SNRK: variants seen among roughly 807,000 people sequenced by gnomAD.
The protein encoded by SNRK is SNF-related serine/threonine-protein kinase.
SNRK carries 3 observed loss-of-function variants against 48.2 expected under a neutral mutation model. The observed-to-expected ratio is 0.06, with a 90% CI of 0.03 to 0.16. The LOEUF is 0.16. SNRK is among the 10% of genes least tolerant of loss of function. The pLI is 1.00. For synonymous variants in SNRK, 376 were observed against 366.1 expected, an observed-to-expected ratio of 1.03 and a Z score of -0.31; for missense variants, 627 against 976.0, an observed-to-expected ratio of 0.64 and a Z score of 4.76.
At chr3:43,345,316 TGTG>T (rs1051228479) in intron 6 of SNRK, among the ~76,000 whole-genome samples, 4 of 152,108 alleles carry the variant, frequency 2.6e-5, no homozygotes, top group African/African-American at 9.7e-5. Flanking sequence ...GGGTATGCCT[TGTG>T]GTCAGAATGA....
At chr3:43,299,013 G>T (rs1307959307) in intron 1 of SNRK, among the ~76,000 whole-genome samples, 1 of 152,104 alleles carries the variant, frequency 6.6e-6, no homozygotes, top group Non-Finnish European at 1.5e-5. Flanking sequence ...AGACTGGGTG[G>T]TTTTGGTGCC....
chr3:43,311,618 G>C (rs1323241229), intron 3 of SNRK, among the ~76,000 whole-genome samples: 1 of 152,156 alleles, frequency 6.6e-6, no homozygotes, highest in Non-Finnish European at 1.5e-5. Context: ...CAGTGCAGTG[G>C]TGTACACCTG....
chr3:43,298,589 A>G (rs1368003905), intron 1 of SNRK, among the ~76,000 whole-genome samples: 1 of 152,194 alleles, frequency 6.6e-6, no homozygotes, highest in Non-Finnish European at 1.5e-5. Context: ...TGTTTCCTCC[A>G]TTCCCTTGCA....
At chr3:43,340,567 AAC>A (rs2091227497) in intron 5 of SNRK, 68 bp downstream of exon 5, 3 of 1,378,802 alleles carry the variant, frequency 2.2e-6, no homozygotes, top group Admixed American at 3.7e-5. Context: ...CTCTCTACTT[AAC>A]ACAGCCTTTG....
At chr3:43,309,290 T>C (rs2090960794) in intron 3 of SNRK, among the ~76,000 whole-genome samples, 1 of 152,206 alleles carries the variant, frequency 6.6e-6, no homozygotes, top group Admixed American at 6.5e-5. Context: ...TAGACTATTA[T>C]GTAAACTTAC....
In SNRK at chr3:43,332,277, C is replaced by T; in HGVS notation, c.698C>T (p.Thr233Ile). The change falls in exon 4 of 7, where the codon ACA becomes ATA. Residue 233 changes from threonine (T) to isoleucine (I), a missense_variant. Around this residue, in one of 4 missense-constraint regions of SNRK, gnomAD observed 147 missense variants for 356.8 expected, o/e 0.41. Coordinates refer to ENST00000296088, the MANE Select transcript of SNRK (RefSeq NM_017719.5). ...ACAATGATCATGGATTGCAAATATA[C>T]AGTACCATCCCATGTGTCTAAAGAG... Reference protein sequence around the residue: ...TLTMIMDCKYTVPSHVSKECK... With the variant: ...TLTMIMDCKYIVPSHVSKECK... 1 of 1,578,720 alleles carries T rather than the reference C, an allele frequency of 6.3e-7. No individual in the cohort carries two copies. The highest frequency in any genetic ancestry group is 1.2e-5 in the South Asian group (1 of 83,576).
intron 3 of SNRK, chr3:43,314,987 C>T (rs2091004081): frequency 6.6e-6 from 1 of 152,208 alleles, no homozygotes; most frequent in Non-Finnish European, 1.5e-5. Context: ...GTCCCAGCTA[C>T]TCAGGAGGCT....
At chr3:43,287,120 A>T (rs1372823031) in intron 1 of SNRK, among the ~76,000 whole-genome samples, 1 of 151,450 alleles carries the variant, frequency 6.6e-6, no homozygotes, top group South Asian at 2.1e-4. Context: ...TTCCCCTTTC[A>T]GAAGACTGTA....
chr3:43,294,725 GTT>G (rs113950436), intron 1 of SNRK, among the ~76,000 whole-genome samples: 20 of 141,598 alleles, frequency 1.4e-4, no homozygotes, highest in African/African-American at 5.1e-4. Context: ...TTATTGATTA[GTT>G]TTTTTTTTTT....
At chr3:43,344,428 T>C (rs566119589) in intron 6 of SNRK, among the ~76,000 whole-genome samples, 1 of 152,266 alleles carries the variant, frequency 6.6e-6, no homozygotes, top group East Asian at 1.9e-4. Context: ...TATTTATGAA[T>C]ATATGTGTGT....
Position 43,348,162 on chromosome 3 carries a change from C to A in SNRK, c.1903C>A (p.Leu635Met). ...TGCCGGCCCCAGCAACTCCATGCAG[C>A]TGGCCTCTCGCAGTGCTGGGGAGCT... is the stretch of plus-strand genomic sequence containing the variant. ...RCAGPSNSMQLASRSAGELVE... is the reference protein window; with the variant it reads ...RCAGPSNSMQMASRSAGELVE... The change falls in exon 7 of 7, where the codon CTG becomes ATG. Residue 635 changes from leucine (L) to methionine (M), a missense_variant. Leu to Met is a conservative substitution (Grantham distance 15). Transcript: ENST00000296088. 6.3e-7 allele frequency: 1 copy of A among 1,585,080 alleles called. No homozygotes were observed. The highest frequency in any genetic ancestry group is 1.2e-5 in the South Asian group (1 of 86,270).
Position 43,300,393 on chromosome 3 carries a change from C to T in SNRK, c.-107+578C>T, listed in dbSNP as rs571404453. On this transcript the variant is annotated intron_variant, in intron 2 of 6. Transcript: ENST00000296088. ...CAAAAATCAGATTCATTTATAAAAT[C>T]TGATTTATATGTCACTTTCCAGGAA... 1.1e-3 allele frequency among the ~76,000 whole-genome samples: 170 copies of T among 151,990 alleles called. 1 individual carries two copies. Among genetic ancestry groups the T allele is most frequent in the African/African-American group, 3.8e-3 (159 of 41,430 alleles).
At chr3:43,312,402 CATCTT>C (rs1003440947) in intron 3 of SNRK, among the ~76,000 whole-genome samples, 13 of 152,274 alleles carry the variant, frequency 8.5e-5, no homozygotes, top group African/African-American at 3.1e-4. Context: ...AAAAACTAGA[CATCTT>C]TTCTTTATAA....
rs1345166460 is a variant in SNRK, at chr3:43,348,420, A to T, written c.2161A>T (p.Ile721Leu). ...AGATACCACCACTGAATTGGAACGG[A>T]TAAAGAGCAAGAACCTGAAAAATAA... ...MADTTTELER[I>L]KSKNLKNNVL... The change falls in exon 7 of 7, where the codon ATA (isoleucine) becomes TTA (leucine). Residue 721 changes from isoleucine (I) to leucine (L), a missense_variant. Around this residue, in one of 4 missense-constraint regions of SNRK, gnomAD observed 207 missense variants for 234.3 expected, o/e 0.88. Transcript: ENST00000296088. 1.2e-6 allele frequency: 2 copies of T among 1,612,360 alleles called. No homozygotes were observed. Among genetic ancestry groups the T allele is most frequent in the South Asian group, 1.1e-5 (1 of 90,818 alleles).
intron 3 of SNRK, among the ~76,000 whole-genome samples, chr3:43,317,687 G>A (rs902063337): frequency 6.6e-6 from 1 of 152,028 alleles, no homozygotes; most frequent in African/African-American, 2.4e-5. Context: ...CTCCAAGCCC[G>A]GTCCTACCTC....
rs750516712 is a variant in SNRK at position 43,343,439 on chromosome 3, C to A, written c.1040C>A (p.Thr347Asn). Residue 347 changes from threonine (T) to asparagine (N), a missense_variant, in exon 6 of 7, where the codon ACC (threonine) becomes AAC (asparagine). Physicochemically the swap from Thr to Asn is moderately conservative, Grantham distance 65. Coordinates refer to ENST00000296088, the MANE Select transcript of SNRK (RefSeq NM_017719.5). Reference protein sequence around the residue: ...LREKQEKEIQTRSASPSNIKA... With the variant: ...LREKQEKEIQNRSASPSNIKA... ...GAAAAGCAAGAGAAAGAAATACAGA[C>A]CAGATCTGCAAGCCCGAGCAATATC... 9.3e-6 allele frequency: 15 copies of A among 1,613,726 alleles called. No homozygotes were observed. In the South Asian group the frequency reaches 1.6e-4, roughly 18 times the overall value.
intron 3 of SNRK, among the ~76,000 whole-genome samples, chr3:43,309,894 C>T (rs1575539863): frequency 6.6e-6 from 1 of 151,786 alleles, no homozygotes; most frequent in South Asian, 2.1e-4. Context: ...GACACAGCCC[C>T]GGGAGATTCT....
chr3:43,321,611 A>T (rs1052022735), intron 3 of SNRK, among the ~76,000 whole-genome samples: 1 of 152,176 alleles, frequency 6.6e-6, no homozygotes, highest in African/African-American at 2.4e-5. Context: ...CTGTCAGCTG[A>T]TAGGTAACAG....
chr3:43,301,196 T>C (rs996375959), intron 2 of SNRK, among the ~76,000 whole-genome samples: 17 of 152,258 alleles, frequency 1.1e-4, no homozygotes, highest in African/African-American at 4.1e-4. Context: ...TTTGAACTTA[T>C]AATTTAACAT....
Sources: gnomAD v4.1 joint callset for allele counts (sites outside exome capture counted in the v4.1 genomes callset) on GRCh38, gnomAD v4.1.1 for gene constraint, gnomAD v4.1.1 regional missense constraint, MANE v1.5 for transcripts, NCBI Gene and HGNC (gene_info 2026-07-23, HGNC 2026-07-21) for gene names.